OR51B5: variants seen among roughly 807,000 people sequenced by gnomAD.
The protein encoded by OR51B5 is olfactory receptor 51B5.
For synonymous variants in OR51B5, 186 were observed against 144.8 expected, an observed-to-expected ratio of 1.28 and a Z score of -2.04; for missense variants, 456 against 374.6, an observed-to-expected ratio of 1.22 and a Z score of -1.79.
intron 1 of OR51B5, among the ~76,000 whole-genome samples, chr11:5,449,850 G>C (rs1274526332): frequency 1.3e-5 from 2 of 152,080 alleles, no homozygotes; most frequent in Non-Finnish European, 2.9e-5. Context: ...ATATTAAAAG[G>C]AGAAATCAGC....
chr11:5,395,747 A>G (rs1210424351), intron 1 of OR51B5, among the ~76,000 whole-genome samples: 2 of 152,226 alleles, frequency 1.3e-5, no homozygotes, highest in Non-Finnish European at 2.9e-5. Context: ...AGAAAGATTC[A>G]GTAACTTTGC....
At chr11:5,435,551 A>G (rs956292926) in intron 1 of OR51B5, among the ~76,000 whole-genome samples, 1 of 152,248 alleles carries the variant, frequency 6.6e-6, no homozygotes, top group African/African-American at 2.4e-5. Context: ...AGGGTCAAAT[A>G]CCTAACAGAT....
chr11:5,346,303 CT>C (rs1182157575), upstream of OR51B5: 4 of 152,122 alleles, frequency 2.6e-5, no homozygotes. Flanking sequence ...AATCACTCTA[CT>C]TTGTTTTGTG....
intron 1 of OR51B5, chr11:5,454,456 T>G: frequency 6.4e-7 from 1 of 1,555,238 alleles, no homozygotes; most frequent in African/African-American, 1.3e-5. Flanking sequence ...GAATCTGTTA[T>G]TTTGGCCATA....
At chr11:5,404,008 C>T (rs1381350218) in intron 1 of OR51B5, among the ~76,000 whole-genome samples, 2 of 152,020 alleles carry the variant, frequency 1.3e-5, no homozygotes, top group Non-Finnish European at 2.9e-5. Flanking sequence ...CCACTACAGG[C>T]TATGATGTGG....
At chr11:5,412,815 C>A (rs972203923) in intron 1 of OR51B5, among the ~76,000 whole-genome samples, 17 of 152,062 alleles carry the variant, frequency 1.1e-4, no homozygotes. Flanking sequence ...GAGCCCACCA[C>A]AGCTCAAGGA....
intron 1 of OR51B5, among the ~76,000 whole-genome samples, chr11:5,365,421 C>T (rs1015054621): frequency 6.6e-6 from 1 of 152,174 alleles, no homozygotes; most frequent in Admixed American, 6.5e-5. Flanking sequence ...ATCAAGCATA[C>T]TGTAGAAATC....
intron 1 of OR51B5, among the ~76,000 whole-genome samples, chr11:5,374,188 C>T (rs1849488039): frequency 6.6e-6 from 1 of 152,196 alleles, no homozygotes; most frequent in Non-Finnish European, 1.5e-5. Context: ...ATCTGCGGTT[C>T]TGCAGACACC....
intron 1 of OR51B5, chr11:5,392,933 T>C: frequency 2.6e-5 from 1 of 38,344 alleles, no homozygotes; most frequent in East Asian, 5.8e-4. Context: ...AAAAGAAAAA[T>C]AAATAAATAT....
chr11:5,414,678 G>C (rs1036761672), intron 1 of OR51B5, among the ~76,000 whole-genome samples: 8 of 151,924 alleles, frequency 5.3e-5, no homozygotes, highest in Non-Finnish European at 8.8e-5. Flanking sequence ...GATCAAAAGA[G>C]ACAAGGCCAA....
At position 5,482,112 on chromosome 11, in the gene OR51B5, A is replaced by G. The variant is rs1343058832; in HGVS notation, n.84+23457T>C. Among the ~76,000 whole-genome samples the G allele has an allele frequency of 1.7e-5, 2 of 119,464 alleles. 1 individual carries two copies. Among genetic ancestry groups the G allele is most frequent in the Non-Finnish European group, 3.3e-5 (2 of 59,886 alleles). The allele number at this position is 119,464 out of a possible 152,430, so 78.4% of individuals were successfully genotyped here. A position where few individuals can be genotyped will look rare whatever the true frequency, so the allele number is the denominator to read the frequency against. On this transcript the variant is annotated intron_variant and non_coding_transcript_variant, in intron 1 of 4. Transcript: ENST00000415970. ...ACTACCTGACTTCAAACTATACTAC[A>G]AGGCTACAATAACCAAAACAGCATG...
chr11:5,404,745 C>G (rs1010521181), intron 1 of OR51B5, among the ~76,000 whole-genome samples: 3 of 152,236 alleles, frequency 2.0e-5, no homozygotes, highest in African/African-American at 7.2e-5. Flanking sequence ...CTGCGAAGGT[C>G]TGCAGCTTCA....
intron 1 of OR51B5, among the ~76,000 whole-genome samples, chr11:5,367,272 C>T (rs112670107): frequency 0.021 from 3,218 of 152,162 alleles, 111 homozygotes; most frequent in African/African-American, 0.071. Context: ...TCTTGGATTT[C>T]GTGCCCAAGA....
chr11:5,450,072 A>G (rs1448106116), intron 1 of OR51B5, among the ~76,000 whole-genome samples: 1 of 152,148 alleles, frequency 6.6e-6, no homozygotes, highest in Admixed American at 6.6e-5. Flanking sequence ...AAAGCCATAA[A>G]GGATCTCAGA....
Position 5,441,236 on chromosome 11 carries a change from A to G in OR51B5, n.84+64333T>C, listed in dbSNP as rs766730726. 3 of 1,613,986 alleles carry G rather than the reference A, an allele frequency of 1.9e-6. No individual in the cohort carries two copies. In the Admixed American group the frequency reaches 5.0e-5, roughly 27 times the overall value. ...GGACCAGGCAAGCATTAAACGCAAC[A>G]TGGTTGTAGTTGAAGCAGAAAGTAG... On this transcript the variant is annotated intron_variant and non_coding_transcript_variant, in intron 1 of 4. Coordinates refer to the OR51B5 transcript ENST00000415970.
chr11:5,398,187 AAC>A (rs1849909896), intron 1 of OR51B5, among the ~76,000 whole-genome samples: 2 of 53,660 alleles, frequency 3.7e-5, no homozygotes, highest in Non-Finnish European at 1.4e-4. Context: ...TGTACCCTAA[AAC>A]TTAAAAGTAT....
At chr11:5,367,774 A>G (rs1437343387) in intron 1 of OR51B5, among the ~76,000 whole-genome samples, 3 of 152,202 alleles carry the variant, frequency 2.0e-5, no homozygotes, top group African/African-American at 4.8e-5. Flanking sequence ...GCCTCTGACA[A>G]AAGGAACAAA....
At chr11:5,390,504 G>A (rs1691195510) in intron 1 of OR51B5, 6 of 772,580 alleles carry the variant, frequency 7.8e-6, no homozygotes, top group Middle Eastern at 3.9e-4. Context: ...TAAAATATGG[G>A]CAAATTTATG....
Position 5,457,757 on chromosome 11 carries a change from G to A in OR51B5, n.84+47812C>T, listed in dbSNP as rs188284084. Among the ~76,000 whole-genome samples the A allele has an allele frequency of 1.0e-3, 156 of 152,172 alleles. 4 individuals are homozygous for A. The South Asian group carries it at 0.02, about 19-fold the overall frequency. On this transcript the variant is annotated intron_variant and non_coding_transcript_variant, in intron 1 of 4. Transcript: ENST00000415970. ...ATTCCTTTATATGCTTGTTGGCCAC[G>A]TATATGTCTTCTTTTGAGAAGGATA...
Sources: gnomAD v4.1 joint callset for allele counts (sites outside exome capture counted in the v4.1 genomes callset) on GRCh38, gnomAD v4.1.1 for gene constraint, MANE v1.5 for transcripts, NCBI Gene and HGNC (gene_info 2026-07-23, HGNC 2026-07-21) for gene names.